The following UGGT2 variants were observed in gnomAD, a reference collection of about 807,000 sequenced individuals.
The protein encoded by UGGT2 is UDP-glucose glycoprotein glucosyltransferase 2, also known as UDP-glucose:glycoprotein glucosyltransferase 2.
A neutral mutation model predicts 192.1 loss-of-function variants in UGGT2; 180 were observed. The ratio of observed to expected loss-of-function variants is 0.94; its 90% CI spans 0.83 to 1.06. The LOEUF (loss-of-function observed/expected upper bound fraction) is 1.06. Ranked by LOEUF, UGGT2 falls within the 50% of genes least tolerant of loss-of-function variation. The pLI, the probability that UGGT2 is intolerant of heterozygous loss-of-function variation, is 0.00. For missense variants in UGGT2, 1,849 were observed against 1,795.7 expected (o/e 1.03, Z -0.54); for synonymous variants, 580 against 591.0 (o/e 0.98, Z 0.27).
intron 8 of UGGT2, among the ~76,000 whole-genome samples, chr13:95,987,799 G>T (rs57243846): frequency 1.4e-4 from 21 of 152,160 alleles, no homozygotes; most frequent in African/African-American, 4.8e-4. Context: ...TGGAAAAACA[G>T]AACTTTCTCA....
intron 1 of UGGT2, among the ~76,000 whole-genome samples, chr13:96,051,403 C>T (rs1433838743): frequency 3.9e-5 from 6 of 152,096 alleles, no homozygotes; most frequent in Non-Finnish European, 8.8e-5. Context: ...GGGTGCAGCA[C>T]ACCAACATGG....
intron 12 of UGGT2, among the ~76,000 whole-genome samples, chr13:95,965,662 C>T (rs2050554743): frequency 6.6e-6 from 1 of 151,410 alleles, no homozygotes. Flanking sequence ...TTAATGGGTG[C>T]AGCACACCAG....
intron 29 of UGGT2, among the ~76,000 whole-genome samples, chr13:95,875,489 G>A (rs1451295491): frequency 1.3e-5 from 2 of 152,128 alleles, no homozygotes; most frequent in African/African-American, 4.8e-5. Flanking sequence ...CTCAGATCCT[G>A]CTGGGATATA....
chr13:95,968,550 C>A (rs1169153056), intron 12 of UGGT2, among the ~76,000 whole-genome samples: 2 of 151,982 alleles, frequency 1.3e-5, no homozygotes, highest in Non-Finnish European at 2.9e-5. Context: ...TCTAGCAAGA[C>A]CAGGCTGCTT....
intron 11 of UGGT2, 69 bp downstream of exon 11, chr13:95,972,511 A>C: frequency 7.7e-7 from 1 of 1,301,360 alleles, no homozygotes; most frequent in Non-Finnish European, 1.1e-6. Context: ...TTTGACTTAC[A>C]CTAAATTCAA....
chr13:95,870,249 A>G (rs1891102572), intron 29 of UGGT2, among the ~76,000 whole-genome samples: 1 of 152,218 alleles, frequency 6.6e-6, no homozygotes, highest in African/African-American at 2.4e-5. Context: ...GGCAGGCAAC[A>G]TCCCACCTTT....
At chr13:95,918,328 C>T (rs1434971341) in intron 20 of UGGT2, among the ~76,000 whole-genome samples, 2 of 152,132 alleles carry the variant, frequency 1.3e-5, no homozygotes, top group African/African-American at 4.8e-5. Context: ...TACTTTGAAA[C>T]TAATGAGAAC....
intron 38 of UGGT2, among the ~76,000 whole-genome samples, chr13:95,826,204 A>G (rs1352142891): frequency 6.6e-6 from 1 of 152,158 alleles, no homozygotes; most frequent in African/African-American, 2.4e-5. Context: ...ATAGGAATCA[A>G]TGGTTATTTC....
chr13:95,892,056 T>C (rs999907949), intron 24 of UGGT2, among the ~76,000 whole-genome samples: 2 of 152,148 alleles, frequency 1.3e-5, no homozygotes, highest in Admixed American at 6.5e-5. Flanking sequence ...TTGACAATTG[T>C]TGCTTCCTGT....
chr13:96,015,164 G>A (rs2052290416), intron 4 of UGGT2, among the ~76,000 whole-genome samples: 1 of 151,780 alleles, frequency 6.6e-6, no homozygotes, highest in African/African-American at 2.4e-5. Flanking sequence ...TGTAGTCCCA[G>A]CTACTCGGGA....
In UGGT2 at chr13:95,902,853, C is replaced by A; in HGVS notation, c.2502+1G>T. On this transcript the variant is annotated splice_donor_variant, in intron 21 of 38. Transcript: ENST00000376747. LOFTEE classifies it high-confidence loss of function. The stretch of plus-strand genomic sequence containing the variant: ...ATTTAATATTTCAAATAGCTACTGA[C>A]CTCAATAAGGAATGTTTTAATTTTA... 1 of 1,611,508 alleles carries A rather than the reference C, an allele frequency of 6.2e-7. No homozygotes were observed. Among genetic ancestry groups the A allele is most frequent in the Non-Finnish European group, 8.5e-7 (1 of 1,178,748 alleles).
chr13:95,972,564 A>G lies in UGGT2; in HGVS notation c.1184+16T>C. The G allele has an allele frequency of 6.3e-7, 1 of 1,577,236 alleles. No homozygotes were observed. Among genetic ancestry groups the G allele is most frequent in the Non-Finnish European group, 8.7e-7 (1 of 1,150,988 alleles). ...TATAAACCATAGTTCATTTACAGCA[A>G]TAATTTAATACTTACCTAAAAGCGT... On this transcript the variant is annotated intron_variant, in intron 11 of 38. Coordinates refer to ENST00000376747, the MANE Select transcript of UGGT2 (RefSeq NM_020121.4).
chr13:95,836,848 G>A (rs1451641748), intron 37 of UGGT2, among the ~76,000 whole-genome samples: 1 of 151,934 alleles, frequency 6.6e-6, no homozygotes, highest in Non-Finnish European at 1.5e-5. Context: ...ATCAAGCCAT[G>A]AATATGATTA....
At chr13:95,884,723 G>T (rs1299536118) in intron 26 of UGGT2, 43 bp from the exon 27 acceptor site, 12 of 1,513,614 alleles carry the variant, frequency 7.9e-6, no homozygotes, top group Non-Finnish European at 1.1e-5. Context: ...CCAAAACTGA[G>T]ATTTTTCTTT....
At chr13:95,981,704 G>A (rs2051131354) in intron 10 of UGGT2, among the ~76,000 whole-genome samples, 1 of 152,154 alleles carries the variant, frequency 6.6e-6, no homozygotes, top group Non-Finnish European at 1.5e-5. Flanking sequence ...GGTTTGTATG[G>A]ATGAGATGCT....
intron 9 of UGGT2, among the ~76,000 whole-genome samples, chr13:95,984,520 G>A (rs990119233): frequency 6.6e-6 from 1 of 151,914 alleles, no homozygotes; most frequent in African/African-American, 2.4e-5. Context: ...TCTAGAGATG[G>A]AGTCTTCCTA....
In UGGT2 at chr13:95,879,377, G is replaced by A. The variant is rs115184393; in HGVS notation, c.3229-1521C>T. The stretch of plus-strand genomic sequence containing the variant: ...GAGTTCTTTCTAGTGAATATTTTAA[G>A]TTTTCATAGAGGTGATTTAAGTTAA... On this transcript the variant is annotated intron_variant, in intron 27 of 38. Transcript: ENST00000376747. Among the ~76,000 whole-genome samples the A allele has an allele frequency of 2.3e-3, 350 of 152,210 alleles. 1 individual carries two copies. The highest frequency in any genetic ancestry group is 8.1e-3 in the African/African-American group (337 of 41,520).
intron 12 of UGGT2, among the ~76,000 whole-genome samples, chr13:95,955,549 C>T (rs1405649678): frequency 6.6e-6 from 1 of 152,132 alleles, no homozygotes; most frequent in African/African-American, 2.4e-5. Flanking sequence ...GGTGTTCCCT[C>T]TCTGCAGGAC....
At position 95,999,313 on chromosome 13, in the gene UGGT2, C is replaced by T; in HGVS notation, c.661-6G>A. ...ATTTTCCGTGAGCTTGGTTTCTGTT[C>T]AAACACATTTATTTTATAAAAAGCG... On this transcript the variant is annotated splice_region_variant and splice_polypyrimidine_tract_variant and intron_variant, in intron 5 of 38. Coordinates refer to ENST00000376747, the MANE Select transcript of UGGT2 (RefSeq NM_020121.4). The T allele has an allele frequency of 1.2e-6, 2 of 1,612,324 alleles. No homozygotes were observed. The highest frequency in any genetic ancestry group is 2.2e-5 in the South Asian group (2 of 90,972).
Sources: allele counts gnomAD v4.1 joint callset (sites outside exome capture counted in the v4.1 genomes callset), GRCh38; gene constraint gnomAD v4.1.1; transcripts MANE v1.5; gene names NCBI Gene and HGNC (gene_info 2026-07-23, HGNC 2026-07-21).